The following DOCK10 variants were observed in gnomAD, a reference collection of about 807,000 sequenced individuals.
DOCK10 encodes dedicator of cytokinesis 10.
Under a neutral mutation model 280.1 loss-of-function variants are expected in DOCK10, and 145 were observed. That is an observed-to-expected ratio of 0.52 (90% CI 0.45 to 0.59). DOCK10 has a LOEUF of 0.59. Ranked by LOEUF, DOCK10 falls within the 20% of genes least tolerant of loss-of-function variation. DOCK10 has a pLI of 0.00. For synonymous variants in DOCK10, 915 were observed against 942.2 expected, an observed-to-expected ratio of 0.97 and a Z score of 0.53; for missense variants, 2,368 against 2,651.7, an observed-to-expected ratio of 0.89 and a Z score of 2.35.
Position 224,886,539 on chromosome 2 carries a change from T to TAA in DOCK10, c.417-10_417-9dup, listed in dbSNP as rs71734299. 94 of 1,382,290 alleles carry TAA rather than the reference T, an allele frequency of 6.8e-5. No homozygotes were observed. Among genetic ancestry groups the TAA allele is most frequent in the Non-Finnish European group, 7.4e-5 (75 of 1,016,192 alleles). The allele number at this position is 1,382,290 out of a possible 1,614,324, so 85.6% of individuals were successfully genotyped here. On this transcript the variant is annotated splice_polypyrimidine_tract_variant and intron_variant, in intron 4 of 55. Coordinates refer to ENST00000258390, the MANE Select transcript of DOCK10 (RefSeq NM_014689.3). ...TCTGGTTTGTATTCTGCTCTGATAT[T>TAA]AAAAAAAAAAAAAGATTCTGATTTG...
At chr2:224,883,662 A>G (rs1282169406) in intron 7 of DOCK10, among the ~76,000 whole-genome samples, 1 of 152,202 alleles carries the variant, frequency 6.6e-6, no homozygotes, top group African/African-American at 2.4e-5. Context: ...TTGAATGCGG[A>G]CTTGCATGAA....
At position 224,796,380 on chromosome 2, in the gene DOCK10, C is replaced by T. The variant is rs868052287; in HGVS notation, c.4874G>A (p.Gly1625Asp). 3 of 1,573,276 alleles carry T rather than the reference C, an allele frequency of 1.9e-6. No individual in the cohort carries two copies. In the Admixed American group the frequency reaches 5.5e-5, roughly 29 times the overall value. The stretch of plus-strand genomic sequence containing the variant: ...TGCAAGCGAATGTTGAAACCGAGAG[C>T]CTCCAATCCCAGCATCGGCTATTAA... The part of the protein sequence containing the change: ...SQLIADAGIG[G>D]SRFQHSLAIT... Residue 1625 changes from glycine (G) to aspartate (D), a missense_variant, in exon 44 of 56, where the codon GGC becomes GAC. Gly to Asp is a moderately conservative substitution (Grantham distance 94). Around this residue, in one of 2 missense-constraint regions of DOCK10, gnomAD observed 1,159 missense variants for 1,400.8 expected, o/e 0.83. Coordinates refer to ENST00000258390, the MANE Select transcript of DOCK10 (RefSeq NM_014689.3).
At chr2:224,787,552 C>T (rs1388491025) in intron 48 of DOCK10, among the ~76,000 whole-genome samples, 155 bp from the exon 49 acceptor site, 3 of 152,172 alleles carry the variant, frequency 2.0e-5, no homozygotes, top group Admixed American at 1.3e-4. Flanking sequence ...TGGATTCTTG[C>T]CTATCCCGCA....
At chr2:224,820,440 G>A (rs979675938) in intron 28 of DOCK10, among the ~76,000 whole-genome samples, 1 of 152,240 alleles carries the variant, frequency 6.6e-6, no homozygotes, top group Admixed American at 6.5e-5. Context: ...TCCCATAGTG[G>A]ATCTGCAGCT....
intron 18 of DOCK10, among the ~76,000 whole-genome samples, chr2:224,851,381 C>T (rs1312665429): frequency 6.6e-6 from 1 of 150,950 alleles, no homozygotes; most frequent in Non-Finnish European, 1.5e-5. Flanking sequence ...TTGAATTTTT[C>T]TCTCCTGATG....
rs77314037 is a variant in DOCK10 at position 224,765,791 on chromosome 2, C to T, written c.6491G>A (p.Cys2164Tyr). ...DLSKRGVDQT[C>Y]TRVISKATPA... ...AGTTGCTTTGCTAATTACTCGAGTG[C>T]AGGTTTGGTCCACTCCGCGCTTTGA... The change falls in exon 56 of 56, where the codon TGC becomes TAC. Residue 2164 changes from cysteine to tyrosine, a missense_variant. Physicochemically the swap from Cys to Tyr is radical, Grantham distance 194 (BLOSUM62 -2). This residue lies in a region of DOCK10 where 1,159 missense variants were observed against 1,400.8 expected (regional missense o/e 0.83). Transcript: ENST00000258390. 3,715 of 1,613,850 alleles carry T rather than the reference C, an allele frequency of 2.3e-3. 6 individuals are homozygous for T. The highest frequency in any genetic ancestry group is 2.9e-3 in the Non-Finnish European group (3,380 of 1,179,854).
intron 4 of DOCK10, among the ~76,000 whole-genome samples, chr2:224,889,713 C>T (rs1026632520): frequency 2.0e-4 from 30 of 152,292 alleles, no homozygotes; most frequent in Admixed American, 1.3e-3. Flanking sequence ...CTTTTAGGAT[C>T]ACTGGGAAAT....
intron 27 of DOCK10, among the ~76,000 whole-genome samples, chr2:224,830,255 T>A (rs1695139948): frequency 6.6e-6 from 1 of 152,194 alleles, no homozygotes; most frequent in Admixed American, 6.5e-5. Flanking sequence ...CCCTTTTCAT[T>A]TACAGGTATC....
In DOCK10 at chr2:224,886,119, C is replaced by G. The variant is rs776429569; in HGVS notation, c.556G>C (p.Gly186Arg). 2 of 1,613,754 alleles carry G rather than the reference C, an allele frequency of 1.2e-6. No individual in the cohort carries two copies. Among genetic ancestry groups the G allele is most frequent in the East Asian group, 2.2e-5 (1 of 44,866 alleles). Residue 186 changes from glycine to arginine, a missense_variant, in exon 6 of 56, where the codon GGC becomes CGC. Gly to Arg is a moderately radical substitution (Grantham distance 125). Coordinates refer to ENST00000258390, the MANE Select transcript of DOCK10 (RefSeq NM_014689.3). ...TTAAAATTCCCCTTGTAGAGCCAGC[C>G]GGACTTGAAAACACCAGTTCCTCCC... is the stretch of plus-strand genomic sequence containing the variant. Reference protein sequence around the residue: ...GAGGTGVFKSGWLYKGNFNST... With the variant: ...GAGGTGVFKSRWLYKGNFNST...
At chr2:224,883,062 G>T (rs1699065268) in intron 7 of DOCK10, among the ~76,000 whole-genome samples, 1 of 152,188 alleles carries the variant, frequency 6.6e-6, no homozygotes, top group Admixed American at 6.5e-5. Flanking sequence ...AGGGATAGAG[G>T]TGAACTCTTT....
intron 1 of DOCK10, among the ~76,000 whole-genome samples, chr2:224,992,347 T>C (rs1157417196): frequency 1.3e-5 from 2 of 152,238 alleles, no homozygotes; most frequent in African/African-American, 2.4e-5. Context: ...TGGCAGTCTT[T>C]AAAGTCATTT....
At chr2:224,772,082 G>A (rs922122684) in intron 53 of DOCK10, among the ~76,000 whole-genome samples, 9 of 151,792 alleles carry the variant, frequency 5.9e-5, no homozygotes, top group African/African-American at 1.9e-4. Flanking sequence ...CACCATGCCC[G>A]GCTAATTTTT....
Position 224,805,053 on chromosome 2 carries a change from C to A in DOCK10, c.4118+5G>T. 1 of 1,602,562 alleles carries A rather than the reference C, an allele frequency of 6.2e-7. No individual in the cohort carries two copies. The highest frequency in any genetic ancestry group is 1.1e-5 in the South Asian group (1 of 88,744). On this transcript the variant is annotated splice_donor_5th_base_variant and intron_variant, in intron 37 of 55. Transcript: ENST00000258390. The surrounding 1 kb of genome is among the most constrained non-coding windows in gnomAD (Gnocchi z 4.3). ...AAGTGTTAAGTCATCAACTCTAAAA[C>A]TTACTCCAAGATGCTGAAGAAGTCG...
At chr2:225,011,729 C>G (rs1292862292) in intron 1 of DOCK10, among the ~76,000 whole-genome samples, 1 of 152,142 alleles carries the variant, frequency 6.6e-6, no homozygotes, top group Non-Finnish European at 1.5e-5. Context: ...CATCTGGCTT[C>G]CAGCAGGGAG....
At chr2:224,893,570 T>C in intron 4 of DOCK10, 1 of 379,194 alleles carries the variant, frequency 2.6e-6, no homozygotes, top group South Asian at 2.1e-5. Context: ...AGTGCTGATT[T>C]CTATTCCTAG....
chr2:224,785,767 T>C (rs562117868), intron 50 of DOCK10, among the ~76,000 whole-genome samples: 2 of 152,294 alleles, frequency 1.3e-5, no homozygotes, highest in Non-Finnish European at 2.9e-5. Flanking sequence ...GCGTGAGCCA[T>C]GGCGCCCAGC....
At chr2:224,940,868 T>C (rs1247895123) in intron 1 of DOCK10, among the ~76,000 whole-genome samples, 1 of 152,222 alleles carries the variant, frequency 6.6e-6, no homozygotes, top group Non-Finnish European at 1.5e-5. Context: ...AGCAATGATT[T>C]AGGTATGTCT....
chr2:224,881,840 C>T (rs1480763450), intron 7 of DOCK10, among the ~76,000 whole-genome samples: 2 of 152,224 alleles, frequency 1.3e-5, no homozygotes, highest in African/African-American at 4.8e-5. Flanking sequence ...CTTTCCCCTG[C>T]TCCCAATATG....
intron 39 of DOCK10, among the ~76,000 whole-genome samples, chr2:224,802,310 T>G (rs1486302879): frequency 6.6e-6 from 1 of 152,192 alleles, no homozygotes; most frequent in Non-Finnish European, 1.5e-5. Flanking sequence ...AGCATATCAT[T>G]ATTATTTATG....
Sources: allele counts gnomAD v4.1 joint callset (sites outside exome capture counted in the v4.1 genomes callset), GRCh38; gene constraint gnomAD v4.1.1; regional missense constraint gnomAD v4.1.1; non-coding constraint Gnocchi (gnomAD v3.1); transcripts MANE v1.5; gene names NCBI Gene and HGNC (gene_info 2026-07-23, HGNC 2026-07-21).